ADGB: variants seen among roughly 807,000 people sequenced by gnomAD.
The protein encoded by ADGB is androglobin.
ADGB carries 172 observed loss-of-function variants against 210.5 expected under a neutral mutation model. The observed-to-expected ratio is 0.82, with a 90% CI of 0.72 to 0.93. ADGB has a LOEUF of 0.93. Ranked by LOEUF, ADGB falls within the 40% of genes least tolerant of loss-of-function variation. ADGB has a pLI of 0.00. For missense variants in ADGB, 2,025 were observed against 1,964.8 expected (o/e 1.03, Z -0.58); for synonymous variants, 658 against 662.7 (o/e 0.99, Z 0.11).
At chr6:146,811,980 GT>G (rs376021836) in intron 35 of ADGB, among the ~76,000 whole-genome samples, 4,629 of 152,104 alleles carry the variant, frequency 0.03, 226 homozygotes, top group African/African-American at 0.11. Flanking sequence ...AGCCTGCTGT[GT>G]TTTTTAAACT....
At chr6:146,694,990 A>G (rs764428143) in intron 12 of ADGB, among the ~76,000 whole-genome samples, 8 of 152,210 alleles carry the variant, frequency 5.3e-5, no homozygotes, top group African/African-American at 1.7e-4. Context: ...TAATATACAC[A>G]TTATTAATAT....
chr6:146,743,712 G>A (rs1350719155), intron 25 of ADGB, among the ~76,000 whole-genome samples: 2 of 152,166 alleles, frequency 1.3e-5, no homozygotes, highest in Non-Finnish European at 2.9e-5. Context: ...TCAGGAGATC[G>A]AGACCAGCCT....
intron 35 of ADGB, chr6:146,807,536 G>C (rs1778231094): frequency 1.9e-6 from 3 of 1,551,500 alleles, no homozygotes; most frequent in Non-Finnish European, 2.6e-6. Context: ...AGACAGAAAA[G>C]ATGACCCCAG....
intron 2 of ADGB, among the ~76,000 whole-genome samples, chr6:146,644,253 GA>G (rs1213846733): frequency 1.3e-5 from 2 of 151,692 alleles, no homozygotes; most frequent in Non-Finnish European, 2.9e-5. Flanking sequence ...AGTTGTATAT[GA>G]ATCTATAATT....
intron 29 of ADGB, among the ~76,000 whole-genome samples, chr6:146,780,572 C>G (rs562132603): frequency 6.6e-6 from 1 of 151,836 alleles, no homozygotes; most frequent in South Asian, 2.1e-4. Flanking sequence ...AAAATAGGGT[C>G]TAAGATGAAA....
chr6:146,736,456 A>T (rs1419399452), intron 22 of ADGB, 42 bp from the exon 23 acceptor site: 18 of 1,258,908 alleles, frequency 1.4e-5, no homozygotes, highest in Non-Finnish European at 1.7e-5. Context: ...TCTTTCAGGC[A>T]TCTTAAAGCT....
intron 1 of ADGB, among the ~76,000 whole-genome samples, chr6:146,614,118 A>T (rs1260825190): frequency 6.6e-6 from 1 of 152,072 alleles, no homozygotes; most frequent in Non-Finnish European, 1.5e-5. Context: ...TATTACCGCT[A>T]TCATGAAGTG....
At position 146,701,013 on chromosome 6, in the gene ADGB, T is replaced by G; in HGVS notation, c.1650T>G (p.Asp550Glu). The G allele has an allele frequency of 1.9e-6, 3 of 1,551,080 alleles. No homozygotes were observed. The highest frequency in any genetic ancestry group is 8.7e-7 in the Non-Finnish European group (1 of 1,146,476). ...GSDLPSVSET[D>E]ETATHSQTDL... is the part of the protein sequence containing the mutation. ...ATTTACCTTCCGTCAGTGAAACTGA[T>G]GAAACTGCAACACATAGCCAGACAG... The change falls in exon 13 of 36, where the codon GAT (aspartate) becomes GAG (glutamate). Residue 550 changes from aspartate to glutamate, a missense_variant. Asp to Glu is a conservative substitution (Grantham distance 45). Coordinates refer to ENST00000397944, the MANE Select transcript of ADGB (RefSeq NM_024694.4).
intron 1 of ADGB, among the ~76,000 whole-genome samples, chr6:146,607,022 A>G (rs1003231828): frequency 1.3e-5 from 2 of 152,086 alleles, no homozygotes; most frequent in Admixed American, 6.5e-5. Context: ...GATTTTTCCT[A>G]TTCATGAGCA....
intron 9 of ADGB, among the ~76,000 whole-genome samples, chr6:146,677,220 C>T (rs147114431): frequency 6.6e-5 from 10 of 152,160 alleles, no homozygotes; most frequent in African/African-American, 1.9e-4. Flanking sequence ...AAAATGATAC[C>T]GCAACCTATT....
At chr6:146,802,773 C>T in intron 35 of ADGB, 1 of 1,599,532 alleles carries the variant, frequency 6.3e-7, no homozygotes, top group Non-Finnish European at 8.5e-7. Context: ...AAAACCAAAT[C>T]CTCTTTAGTA....
chr6:146,774,115 A>G (rs754525411), intron 29 of ADGB, among the ~76,000 whole-genome samples: 1 of 152,170 alleles, frequency 6.6e-6, no homozygotes. Context: ...AGATGTCTTT[A>G]TCTATATTAC....
chr6:146,789,890 G>A (rs1412852566), intron 33 of ADGB, among the ~76,000 whole-genome samples: 1 of 152,064 alleles, frequency 6.6e-6, no homozygotes, highest in Non-Finnish European at 1.5e-5. Flanking sequence ...CAGCTCTTTG[G>A]TCTCCATATA....
At chr6:146,655,000 A>G (rs79743681) in intron 4 of ADGB, among the ~76,000 whole-genome samples, 1,668 of 152,126 alleles carry the variant, frequency 0.011, 34 homozygotes, top group African/African-American at 0.038. Flanking sequence ...CCGTTTCTCT[A>G]TCTGTTTCTC....
Position 146,691,279 on chromosome 6 carries a change from A to G in ADGB, c.1475A>G (p.Asp492Gly). Residue 492 changes from aspartate (D) to glycine (G), a missense_variant, in exon 11 of 36, where the codon GAT becomes GGT. Asp to Gly is a moderately conservative substitution (Grantham distance 94). Coordinates refer to ENST00000397944, the MANE Select transcript of ADGB (RefSeq NM_024694.4). ...CAAAAAAAGGAAACTGTTATAACAG[A>G]TGAAGCTCAAGGTATGTATCACATC... ...IRQKKETVIT[D>G]EAQELIVKKP... The G allele has an allele frequency of 6.5e-7, 1 of 1,544,598 alleles. No homozygotes were observed. Among genetic ancestry groups the G allele is most frequent in the Non-Finnish European group, 8.7e-7 (1 of 1,145,224 alleles).
At chr6:146,766,099 C>T (rs1284452545) in intron 28 of ADGB, among the ~76,000 whole-genome samples, 2 of 151,988 alleles carry the variant, frequency 1.3e-5, no homozygotes, top group African/African-American at 4.8e-5. Flanking sequence ...CAGCTCTGTG[C>T]CAGCAAATTT....
chr6:146,670,742 C>T (rs1315962482), intron 7 of ADGB, among the ~76,000 whole-genome samples: 1 of 152,080 alleles, frequency 6.6e-6, no homozygotes, highest in Non-Finnish European at 1.5e-5. Flanking sequence ...CAATGTAGTG[C>T]CTTCTGTGTT....
At chr6:146,682,497 T>A (rs1776170469) in intron 9 of ADGB, among the ~76,000 whole-genome samples, 2 of 152,116 alleles carry the variant, frequency 1.3e-5, no homozygotes, top group Non-Finnish European at 2.9e-5. Context: ...AAGAGTATAT[T>A]TTTTCTTAAA....
At chr6:146,623,842 A>T (rs900455415) in intron 1 of ADGB, among the ~76,000 whole-genome samples, 1 of 151,668 alleles carries the variant, frequency 6.6e-6, no homozygotes, top group Non-Finnish European at 1.5e-5. Context: ...GATGATCATA[A>T]TTTTTTTTAG....
Sources: allele counts gnomAD v4.1 joint callset (sites outside exome capture counted in the v4.1 genomes callset), GRCh38; gene constraint gnomAD v4.1.1; transcripts MANE v1.5; gene names NCBI Gene and HGNC (gene_info 2026-07-23, HGNC 2026-07-21).